EIF2AK1: variants seen among roughly 807,000 people sequenced by gnomAD.
EIF2AK1 encodes the protein eukaryotic translation initiation factor 2-alpha kinase 1.
In EIF2AK1, 54 loss-of-function variants were observed where a neutral mutation model predicts 77.9. The observed-to-expected ratio is 0.69, with a 90% confidence interval of 0.56 to 0.87. The LOEUF is 0.87. EIF2AK1 is among the 40% of genes least tolerant of loss of function. The pLI is 0.00. For missense variants in EIF2AK1, 810 were observed against 768.6 expected (o/e 1.05, Z -0.64); for synonymous variants, 314 against 290.5 (o/e 1.08, Z -0.82).
chr7:6,040,193 C>T (rs1788255313), intron 9 of EIF2AK1, among the ~76,000 whole-genome samples: 1 of 152,016 alleles, frequency 6.6e-6, no homozygotes, highest in African/African-American at 2.4e-5. Context: ...GCTGGGATTA[C>T]AGGCGCACAG....
At chr7:6,058,355 T>A in intron 1 of EIF2AK1, 1 of 343,248 alleles carries the variant, frequency 2.9e-6, no homozygotes, top group African/African-American at 2.2e-5. Context: ...AGTTGGAGGC[T>A]GCAATGAGCT....
chr7:6,026,647 C>T (rs1199569007), intron 14 of EIF2AK1, 81 bp downstream of exon 14: 1 of 1,141,524 alleles, frequency 8.8e-7, no homozygotes, highest in Admixed American at 1.9e-5. Context: ...CCTCCGGGGG[C>T]ACCACCCAAC....
At position 6,046,097 on chromosome 7, in the gene EIF2AK1, C is replaced by G; in HGVS notation, c.604G>C (p.Gly202Arg). The G allele has an allele frequency of 6.4e-7, 1 of 1,567,914 alleles. No homozygotes were observed. The change falls in exon 6 of 15, where the codon GGT (glycine) becomes CGT (arginine). Residue 202 changes from glycine (G) to arginine (R), a missense_variant. Gly to Arg is a moderately radical substitution (Grantham distance 125). Coordinates refer to ENST00000199389, the MANE Select transcript of EIF2AK1 (RefSeq NM_014413.4). ...TTCATGCAAACTGTTTTAGTTGCAC[C>G]CTTAATCAGGATTTTTTTTATTGCA... ...YYAIKKILIKGATKTVCMKVL... is the reference protein window; with the variant it reads ...YYAIKKILIKRATKTVCMKVL...
At chr7:6,049,155 T>A (rs928175576) in intron 3 of EIF2AK1, among the ~76,000 whole-genome samples, 2 of 152,128 alleles carry the variant, frequency 1.3e-5, no homozygotes, top group Admixed American at 1.3e-4. Context: ...CCTCAGTCCA[T>A]TCGCAACACA....
Position 6,027,987 on chromosome 7 carries a change from C to T in EIF2AK1, c.1530+628G>A. The T allele has an allele frequency of 2.2e-6, 1 of 453,350 alleles. No individual in the cohort carries two copies. Among genetic ancestry groups the T allele is most frequent in the Non-Finnish European group, 4.4e-6 (1 of 225,694 alleles). 28.1% of individuals were successfully genotyped at this position (453,350 alleles called of 1,614,324 possible). A position where few individuals can be genotyped will look rare whatever the true frequency, so the allele number is the denominator to read the frequency against. On this transcript the variant is annotated intron_variant, in intron 13 of 14. Transcript: ENST00000199389. The surrounding 1 kb of genome is among the most constrained non-coding windows in gnomAD (Gnocchi z 4.5). ...CTGAGGTGGGAGGATCACTTGAGCC[C>T]AGGAGTTGGAGGCTGCCATGAGCTA...
intron 13 of EIF2AK1, chr7:6,028,198 C>T (rs1325649124): frequency 3.2e-6 from 1 of 312,646 alleles, no homozygotes; most frequent in Admixed American, 4.5e-5. Flanking sequence ...CTACAGTACT[C>T]AGTTATCTCC....
At chr7:6,040,349 G>A (rs1358196321) in intron 9 of EIF2AK1, among the ~76,000 whole-genome samples, 3 of 152,102 alleles carry the variant, frequency 2.0e-5, no homozygotes, top group Non-Finnish European at 4.4e-5. Context: ...CACCACACCC[G>A]GCCTAATGTT....
intron 14 of EIF2AK1, 200 bp downstream of exon 14, chr7:6,026,528 C>G (rs1317682888): frequency 2.8e-6 from 2 of 702,422 alleles, no homozygotes; most frequent in South Asian, 3.0e-5. Context: ...CAGCTGCTAC[C>G]CCAAGGGGAG....
Position 6,036,219 on chromosome 7 carries a change from G to C in EIF2AK1, c.1332+1205C>G, listed in dbSNP as rs1788086289. ...GCTACCAGAATTCCGCCTCTTAAGG[G>C]ACACCCTAATAAAGCAATCGCAAAA... On this transcript the variant is annotated intron_variant, in intron 11 of 14. Transcript: ENST00000199389. The surrounding 1 kb of genome is among the most constrained non-coding windows in gnomAD (Gnocchi z 4.6). 27 of 1,550,106 alleles carry C rather than the reference G, an allele frequency of 1.7e-5. No homozygotes were observed. Among genetic ancestry groups the C allele is most frequent in the Non-Finnish European group, 2.4e-5 (27 of 1,146,832 alleles).
chr7:6,031,270 C>T lies in EIF2AK1; in HGVS notation c.1333-2238G>A, dbSNP rs147993655. The T allele has an allele frequency of 1.8e-3, 2,064 of 1,133,238 alleles. 6 individuals are homozygous for T. The highest frequency in any genetic ancestry group is 8.6e-3 in the Middle Eastern group (43 of 4,980). 70.2% of individuals were successfully genotyped at this position (1,133,238 alleles called of 1,614,324 possible). On this transcript the variant is annotated intron_variant, in intron 11 of 14. Transcript: ENST00000199389. Reference sequence around the variant, plus strand: ...TTGCCTTCACAGATCCAATTCTCGACAAATTCTAGAACAGTTCTAGAACTG... The same window carrying T: ...TTGCCTTCACAGATCCAATTCTCGATAAATTCTAGAACAGTTCTAGAACTG...
Position 6,024,562 on chromosome 7 carries a change from A to AACAAGTCTTGT in EIF2AK1, c.*100_*110dup. Reference sequence around the variant, plus strand: ...CAGCTTGGGGCACTCTGACATCTTTAACAAGTCTTGTAAAGGCTTACTAAA... The same window carrying AACAAGTCTTGT: ...CAGCTTGGGGCACTCTGACATCTTTAACAAGTCTTGTACAAGTCTTGTAAAGGCTTACTAAA... On this transcript the variant is annotated 3_prime_UTR_variant, in exon 15 of 15. Coordinates refer to ENST00000199389, the MANE Select transcript of EIF2AK1 (RefSeq NM_014413.4). 6 of 1,539,484 alleles carry AACAAGTCTTGT rather than the reference A, an allele frequency of 3.9e-6. No individual in the cohort carries two copies. Among genetic ancestry groups the AACAAGTCTTGT allele is most frequent in the Non-Finnish European group, 4.3e-6 (5 of 1,149,862 alleles).
At position 6,022,844 on chromosome 7, in the gene EIF2AK1, G is replaced by GT; in HGVS notation, c.*1828dup. The GT allele has an allele frequency of 6.2e-6, 1 of 161,330 alleles. No individual in the cohort carries two copies. Among genetic ancestry groups the GT allele is most frequent in the Admixed American group, 5.9e-5 (1 of 17,072 alleles). 10.0% of individuals were successfully genotyped at this position (161,330 alleles called of 1,614,324 possible). ...TGGCCATATAAAGATAGGATGTTAT[G>GT]TATTGACTATCCCACAGATGTATGC... On this transcript the variant is annotated 3_prime_UTR_variant, in exon 15 of 15. Transcript: ENST00000199389.
At chr7:6,043,342 C>T (rs918765099) in intron 7 of EIF2AK1, among the ~76,000 whole-genome samples, 2 of 151,924 alleles carry the variant, frequency 1.3e-5, no homozygotes, top group Non-Finnish European at 2.9e-5. Context: ...TTTGGGAGGC[C>T]GAGGCTCGAG....
At chr7:6,043,540 T>C (rs970727181) in intron 7 of EIF2AK1, among the ~76,000 whole-genome samples, 1 of 152,104 alleles carries the variant, frequency 6.6e-6, no homozygotes, top group African/African-American at 2.4e-5. Context: ...GTGATTCTGC[T>C]GCCTCAGCCT....
At chr7:6,037,985 G>C (rs1788153573) in intron 10 of EIF2AK1, among the ~76,000 whole-genome samples, 1 of 152,022 alleles carries the variant, frequency 6.6e-6, no homozygotes, top group Admixed American at 6.6e-5. Context: ...TTAGCTCCAG[G>C]AATATGATTC....
At chr7:6,039,482 C>A (rs952345232) in intron 9 of EIF2AK1, among the ~76,000 whole-genome samples, 2 of 151,834 alleles carry the variant, frequency 1.3e-5, no homozygotes, top group Non-Finnish European at 1.5e-5. Context: ...ATCAGCCAGG[C>A]GTAGTGGCGC....
chr7:6,053,887 G>C (rs1162070455), intron 2 of EIF2AK1, among the ~76,000 whole-genome samples: 1 of 147,680 alleles, frequency 6.8e-6, no homozygotes, highest in Admixed American at 6.9e-5. Context: ...GGTCAGGCTG[G>C]TCTCAAACTC....
Position 6,024,232 on chromosome 7 carries a change from GC to G in EIF2AK1, c.*440del. The stretch of plus-strand genomic sequence containing the variant: ...TGGAGCCAAGGAATGAAATGATGAG[GC>G]GTCCTTCAGGTAATGAACTTCAGCT... On this transcript the variant is annotated 3_prime_UTR_variant, in exon 15 of 15. Coordinates refer to ENST00000199389, the MANE Select transcript of EIF2AK1 (RefSeq NM_014413.4). The G allele has an allele frequency of 8.2e-7, 1 of 1,221,908 alleles. No individual in the cohort carries two copies. Among genetic ancestry groups the G allele is most frequent in the Non-Finnish European group, 1.0e-6 (1 of 959,734 alleles). 75.7% of individuals were successfully genotyped at this position (1,221,908 alleles called of 1,614,324 possible). A position where few individuals can be genotyped will look rare whatever the true frequency, so the allele number is the denominator to read the frequency against.
At chr7:6,025,795 C>T (rs887334082) in intron 14 of EIF2AK1, among the ~76,000 whole-genome samples, 21 of 152,028 alleles carry the variant, frequency 1.4e-4, no homozygotes, top group Middle Eastern at 3.4e-3. Context: ...CCACCACGCC[C>T]GGCTAATTTT....
Sources: allele counts gnomAD v4.1 joint callset (sites outside exome capture counted in the v4.1 genomes callset), GRCh38; gene constraint gnomAD v4.1.1; non-coding constraint Gnocchi (gnomAD v3.1); transcripts MANE v1.5; gene names NCBI Gene and HGNC (gene_info 2026-07-23, HGNC 2026-07-21).